The following EFHC1 variants were observed in gnomAD, a reference collection of about 807,000 sequenced individuals.
The protein encoded by EFHC1 is EF-hand domain-containing protein 1.
Under a neutral mutation model 69.9 loss-of-function variants are expected in EFHC1, and 53 were observed. The observed-to-expected ratio is 0.76, with a 90% CI of 0.61 to 0.95. The LOEUF (loss-of-function observed/expected upper bound fraction) is 0.95. EFHC1 is among the 40% of genes least tolerant of loss of function. The probability of loss-of-function intolerance (pLI) is 0.00; values close to 1 mark genes in which losing one functional copy is unlikely to be tolerated. For missense variants in EFHC1, 739 were observed against 798.7 expected (o/e 0.93, Z 0.90); for synonymous variants, 256 against 278.4 (o/e 0.92, Z 0.80).
chr6:52,471,465 TTAA>T (rs1365747859), intron 7 of EFHC1, among the ~76,000 whole-genome samples: 1 of 152,124 alleles, frequency 6.6e-6, no homozygotes, highest in African/African-American at 2.4e-5. Context: ...AAAAACAATA[TTAA>T]TAATACAATG....
In EFHC1 at chr6:52,495,243, G is replaced by T. The variant is rs1200967996; in HGVS notation, c.*2902G>T. The T allele has an allele frequency of 2.2e-6, 1 of 454,058 alleles. No individual in the cohort carries two copies. The highest frequency in any genetic ancestry group is 6.9e-5 in the East Asian group (1 of 14,390). The allele number at this position is 454,058 out of a possible 1,614,324, so 28.1% of individuals were successfully genotyped here. ...ATCCCTTTCCTTTAGACTGTTTCAG[G>T]GGAGAACCAGGTACCCCAAATCTTA... On this transcript the variant is annotated 3_prime_UTR_variant, in exon 11 of 11. Transcript: ENST00000371068.
chr6:52,479,015 C>A (rs764952773), intron 7 of EFHC1, 22 bp from the exon 8 acceptor site: 1 of 1,609,196 alleles, frequency 6.2e-7, no homozygotes, highest in Admixed American at 1.7e-5. Flanking sequence ...TTCATAATAT[C>A]CTCTTTTCTT....
chr6:52,480,265 T>C (rs1038735651), intron 9 of EFHC1: 2 of 210,208 alleles, frequency 9.5e-6, no homozygotes, highest in African/African-American at 4.7e-5. Context: ...ATCTTAAAGG[T>C]CTTCATCCTT....
chr6:52,493,997 A>AT lies in EFHC1; in HGVS notation c.*1658dup, dbSNP rs775986568. The AT allele has an allele frequency of 3.3e-5, 15 of 453,880 alleles. No individual in the cohort carries two copies. The highest frequency in any genetic ancestry group is 6.2e-5 in the Non-Finnish European group (14 of 226,776). The allele number at this position is 453,880 out of a possible 1,614,324, so 28.1% of individuals were successfully genotyped here. On this transcript the variant is annotated 3_prime_UTR_variant, in exon 11 of 11. Transcript: ENST00000371068. ...AAAGGGCTGTGAATGTATTATGTTG[A>AT]TTCCTTTTCTGTTCCAGGTTATTAT... is the stretch of plus-strand genomic sequence containing the variant.
At chr6:52,443,552 C>T (rs1764712577) in intron 3 of EFHC1, among the ~76,000 whole-genome samples, 2 of 152,144 alleles carry the variant, frequency 1.3e-5, no homozygotes, top group South Asian at 4.1e-4. Flanking sequence ...GGAATCCTTT[C>T]CCCATTGCTT....
intron 5 of EFHC1, among the ~76,000 whole-genome samples, chr6:52,460,769 GA>G (rs1217873139): frequency 6.6e-6 from 1 of 152,086 alleles, no homozygotes; most frequent in Admixed American, 6.5e-5. Flanking sequence ...TGTCTTTCAG[GA>G]AGACAGTGAA....
chr6:52,479,922 G>T (rs1318232107), intron 9 of EFHC1, 135 bp downstream of exon 9: 5 of 1,375,180 alleles, frequency 3.6e-6, no homozygotes, highest in African/African-American at 2.9e-5. Flanking sequence ...TAAACAGAAG[G>T]TTCCCTGTGT....
rs145755257 is a variant in EFHC1, at chr6:52,493,544, C to T, written c.*1203C>T. ...GCGTGTGCCTGTAGTCCCAGCCACTCGGGAGGCTTAAATGGGAGAATCACT... is the reference window on the plus strand; with the variant it reads ...GCGTGTGCCTGTAGTCCCAGCCACTTGGGAGGCTTAAATGGGAGAATCACT... On this transcript the variant is annotated 3_prime_UTR_variant, in exon 11 of 11. Coordinates refer to ENST00000371068, the MANE Select transcript of EFHC1 (RefSeq NM_018100.4). 1,338 of 426,164 alleles carry T rather than the reference C, an allele frequency of 3.1e-3. 17 individuals carry two copies. The highest frequency in any genetic ancestry group is 0.025 in the African/African-American group (1,217 of 48,056). The allele number at this position is 426,164 out of a possible 1,614,324, so 26.4% of individuals were successfully genotyped here. A position where few individuals can be genotyped will look rare whatever the true frequency, so the allele number is the denominator to read the frequency against.
chr6:52,463,885 C>T (rs1002452562), intron 5 of EFHC1, among the ~76,000 whole-genome samples: 45 of 152,132 alleles, frequency 3.0e-4, no homozygotes, highest in African/African-American at 1.0e-3. Context: ...TAATAAGATG[C>T]ATTATTAGGG....
At position 52,452,745 on chromosome 6, in the gene EFHC1, C is replaced by A; in HGVS notation, c.631C>A (p.Pro211Thr). 1 of 1,614,198 alleles carries A rather than the reference C, an allele frequency of 6.2e-7. No homozygotes were observed. Among genetic ancestry groups the A allele is most frequent in the Non-Finnish European group, 8.5e-7 (1 of 1,180,030 alleles). ...LNPPEKMALD[P>T]YTELRKQPLR... is the part of the protein sequence containing the mutation. Reference sequence around the variant, plus strand: ...TCCACCAGAGAAGATGGCTCTTGATCCTTACACTGAACTCCGAAAACAGCC... The same window carrying A: ...TCCACCAGAGAAGATGGCTCTTGATACTTACACTGAACTCCGAAAACAGCC... Residue 211 changes from proline to threonine, a missense_variant, in exon 4 of 11, where the codon CCT becomes ACT. Pro to Thr is a conservative substitution (Grantham distance 38). Transcript: ENST00000371068.
At position 52,493,672 on chromosome 6, in the gene EFHC1, G is replaced by A. The variant is rs1209693605; in HGVS notation, c.*1331G>A. On this transcript the variant is annotated 3_prime_UTR_variant, in exon 11 of 11. Coordinates refer to ENST00000371068, the MANE Select transcript of EFHC1 (RefSeq NM_018100.4). ...CTCCATCTCAAAAAAAAAAAGGTTA[G>A]AAAAATGCTGCTTTTAGAGAGCCTG... 1 of 452,614 alleles carries A rather than the reference G, an allele frequency of 2.2e-6. No homozygotes were observed. The highest frequency in any genetic ancestry group is 4.4e-6 in the Non-Finnish European group (1 of 226,476). The allele number at this position is 452,614 out of a possible 1,614,324, so 28.0% of individuals were successfully genotyped here. A position where few individuals can be genotyped will look rare whatever the true frequency, so the allele number is the denominator to read the frequency against.
chr6:52,442,547 T>C (rs1279726372), intron 3 of EFHC1, among the ~76,000 whole-genome samples: 1 of 152,048 alleles, frequency 6.6e-6, no homozygotes, highest in East Asian at 1.9e-4. Context: ...TATGCAGTGT[T>C]TGGTTTTCTG....
At chr6:52,437,457 G>A (rs1764558725) in intron 2 of EFHC1, 1 of 152,220 alleles carries the variant, frequency 6.6e-6, no homozygotes, top group African/African-American at 2.4e-5. Context: ...GTAAAGGGCA[G>A]TTAGCGTATA....
intron 3 of EFHC1, among the ~76,000 whole-genome samples, chr6:52,447,505 C>T (rs916195190): frequency 1.3e-5 from 2 of 152,136 alleles, no homozygotes; most frequent in Non-Finnish European, 2.9e-5. Flanking sequence ...GCGATGGGTT[C>T]GAACATCCTC....
intron 7 of EFHC1, 42 bp downstream of exon 7, chr6:52,469,515 A>G (rs773777120): frequency 1.9e-6 from 3 of 1,609,516 alleles, no homozygotes; most frequent in Non-Finnish European, 1.7e-6. Context: ...CTTCTATCTC[A>G]GTACTGTGTA....
intron 2 of EFHC1, among the ~76,000 whole-genome samples, chr6:52,425,907 G>A (rs952201226): frequency 6.6e-6 from 1 of 152,126 alleles, no homozygotes; most frequent in Non-Finnish European, 1.5e-5. Context: ...TCTTACTTAG[G>A]TAATAAAGAC....
chr6:52,463,716 A>G (rs942331508), intron 5 of EFHC1, among the ~76,000 whole-genome samples: 3 of 152,236 alleles, frequency 2.0e-5, no homozygotes, highest in African/African-American at 7.2e-5. Flanking sequence ...GCACACACAC[A>G]TATACCAGAT....
chr6:52,424,432 A>G (rs189103989), intron 2 of EFHC1, among the ~76,000 whole-genome samples: 1 of 152,318 alleles, frequency 6.6e-6, no homozygotes, highest in African/African-American at 2.4e-5. Flanking sequence ...AGTTGGCTAT[A>G]ATTCTGAATT....
intron 9 of EFHC1, chr6:52,486,847 CT>C (rs1372823069): frequency 6.6e-6 from 1 of 152,102 alleles, no homozygotes; most frequent in Non-Finnish European, 1.5e-5. Flanking sequence ...TCATAAATTG[CT>C]TTCTTGAAGG....
Sources: allele counts gnomAD v4.1 joint callset (sites outside exome capture counted in the v4.1 genomes callset), GRCh38; gene constraint gnomAD v4.1.1; transcripts MANE v1.5; gene names NCBI Gene and HGNC (gene_info 2026-07-23, HGNC 2026-07-21).